The following LMOD2 variants were observed in gnomAD, a reference collection of about 807,000 sequenced individuals.
LMOD2 encodes the protein leiomodin 2, also known as leiomodin-2.
LMOD2 carries 27 observed loss-of-function variants against 41.7 expected under a neutral mutation model. That is an observed-to-expected ratio of 0.65 (90% CI 0.48 to 0.89). The LOEUF (loss-of-function observed/expected upper bound fraction) is 0.89, where lower values mean the gene tolerates loss of function less well. Among genes scored for constraint, LMOD2 ranks in the 40% least tolerant of loss-of-function variants. The pLI is 0.00. For missense variants in LMOD2, 624 were observed against 667.9 expected (o/e 0.93, Z 0.72); for synonymous variants, 251 against 244.6 (o/e 1.03, Z -0.25).
Position 123,662,730 on chromosome 7 carries a change from A to G in LMOD2, c.1144A>G (p.Arg382Gly), listed in dbSNP as rs1802902946. 6.2e-7 allele frequency: 1 copy of G among 1,613,992 alleles called. No homozygotes were observed. The highest frequency in any genetic ancestry group is 1.3e-5 in the African/African-American group (1 of 75,038). Residue 382 changes from arginine (R) to glycine (G), a missense_variant, in exon 2 of 3, where the codon AGA (arginine) becomes GGA (glycine). By Grantham distance (125) the Arg-to-Gly change is moderately radical (BLOSUM62 -2). Transcript: ENST00000458573. This position sits in a 1 kb window ranked among gnomAD's most constrained non-coding sequence, Gnocchi z 4.0. ...CAATCTTAGGACCAAAGTCTGGCAAAGAGGAACACCTAGCTCTTCACCTTA... is the reference window on the plus strand; with the variant it reads ...CAATCTTAGGACCAAAGTCTGGCAAGGAGGAACACCTAGCTCTTCACCTTA... ...GPNLRTKVWQ[R>G]GTPSSSPYVS... is the part of the protein sequence containing the mutation.
At chr7:123,656,322 A>T in intron 1 of LMOD2, 86 bp downstream of exon 1, 1 of 1,352,696 alleles carries the variant, frequency 7.4e-7, no homozygotes. Flanking sequence ...CTAACTTCTC[A>T]ATCCTCATCA....
intron 1 of LMOD2, among the ~76,000 whole-genome samples, chr7:123,661,530 G>A (rs1364628554): frequency 6.6e-6 from 1 of 152,150 alleles, no homozygotes; most frequent in Non-Finnish European, 1.5e-5. Context: ...GTCCTCAGGA[G>A]GTGAACAAAT....
Position 123,662,905 on chromosome 7 carries a change from C to T in LMOD2, c.1319C>T (p.Pro440Leu), listed in dbSNP as rs762093691. ...PPPPSSQRLP[P>L]PPPPPPPPLP... is the part of the protein sequence containing the mutation. Reference sequence around the variant, plus strand: ...CCTCCTTCTTCCCAAAGGCTGCCACCACCTCCTCCTCCTCCCCCTCCTCCA... The same window carrying T: ...CCTCCTTCTTCCCAAAGGCTGCCACTACCTCCTCCTCCTCCCCCTCCTCCA... The change falls in exon 2 of 3, where the codon CCA (proline) becomes CTA (leucine). Residue 440 changes from proline (P) to leucine (L), a missense_variant. By Grantham distance (98) the Pro-to-Leu change is moderately conservative (BLOSUM62 -3). Transcript: ENST00000458573. The surrounding 1 kb of genome is among the most constrained non-coding windows in gnomAD (Gnocchi z 4.0). The T allele has an allele frequency of 1.9e-6, 3 of 1,556,044 alleles. No homozygotes were observed. In the East Asian group the frequency reaches 7.3e-5, roughly 38 times the overall value.
intron 2 of LMOD2, chr7:123,663,507 G>A (rs1802925462): frequency 1.7e-6 from 1 of 605,036 alleles, no homozygotes; most frequent in Non-Finnish European, 2.9e-6. Context: ...ATTCCAAAAG[G>A]ATTCACCACT....
chr7:123,660,555 C>T (rs1330093525), intron 1 of LMOD2, among the ~76,000 whole-genome samples: 1 of 150,954 alleles, frequency 6.6e-6, no homozygotes, highest in African/African-American at 2.4e-5. Context: ...AAAGCTAGAT[C>T]TACATGCTTC....
chr7:123,662,572 T>C lies in LMOD2; in HGVS notation c.986T>C (p.Leu329Pro). The C allele has an allele frequency of 6.2e-7, 1 of 1,613,944 alleles. No individual in the cohort carries two copies. The highest frequency in any genetic ancestry group is 2.2e-5 in the East Asian group (1 of 44,868). Residue 329 changes from leucine to proline, a missense_variant, in exon 2 of 3, where the codon CTG (leucine) becomes CCG (proline). Transcript: ENST00000458573. The surrounding 1 kb of genome is among the most constrained non-coding windows in gnomAD (Gnocchi z 4.0). The part of the protein sequence containing the change: ...VKLLKENTTL[L>P]RLGYHFELPG... ...CTGCTGAAGGAGAACACGACGCTGC[T>C]GAGGCTGGGATACCATTTTGAACTC...
chr7:123,660,169 G>A (rs1428690397), intron 1 of LMOD2, among the ~76,000 whole-genome samples: 1 of 152,170 alleles, frequency 6.6e-6, no homozygotes, highest in Non-Finnish European at 1.5e-5. Flanking sequence ...CTGCTGGACA[G>A]GGAAGGCTTC....
At position 123,663,896 on chromosome 7, in the gene LMOD2, A is replaced by T. The variant is rs1802930901; in HGVS notation, c.*151A>T. Reference sequence around the variant, plus strand: ...TTAATTCCAAAGAGAATCTTAAGAAACAATCAGCATGTTTCTTCTGTAAAT... The same window carrying T: ...TTAATTCCAAAGAGAATCTTAAGAATCAATCAGCATGTTTCTTCTGTAAAT... On this transcript the variant is annotated 3_prime_UTR_variant, in exon 3 of 3. Coordinates refer to ENST00000458573, the MANE Select transcript of LMOD2 (RefSeq NM_207163.3). 1 of 646,608 alleles carries T rather than the reference A, an allele frequency of 1.5e-6. No individual in the cohort carries two copies. The highest frequency in any genetic ancestry group is 1.8e-5 in the African/African-American group (1 of 54,170). 40.1% of individuals were successfully genotyped at this position (646,608 alleles called of 1,614,324 possible). A position where few individuals can be genotyped will look rare whatever the true frequency, so the allele number is the denominator to read the frequency against.
intron 1 of LMOD2, 76 bp downstream of exon 1, chr7:123,656,312 C>G: frequency 7.0e-7 from 1 of 1,434,696 alleles, no homozygotes; most frequent in Non-Finnish European, 9.4e-7. Context: ...CTTGTTTTCC[C>G]TAACTTCTCA....
chr7:123,661,516 G>A (rs1802873813), intron 1 of LMOD2, among the ~76,000 whole-genome samples: 1 of 152,210 alleles, frequency 6.6e-6, no homozygotes. Context: ...ACCAGTAAGA[G>A]TCGGTCCTCA....
At chr7:123,656,383 G>T (rs1033758741) in intron 1 of LMOD2, 147 bp downstream of exon 1, 1 of 860,534 alleles carries the variant, frequency 1.2e-6, no homozygotes, top group Non-Finnish European at 1.7e-6. Context: ...CATTTTTCAG[G>T]CTGAAATAAT....
chr7:123,664,036 A>G lies in LMOD2; in HGVS notation c.*291A>G, dbSNP rs1467354642. On this transcript the variant is annotated 3_prime_UTR_variant, in exon 3 of 3. Coordinates refer to ENST00000458573, the MANE Select transcript of LMOD2 (RefSeq NM_207163.3). ...GGTAACTCCGAGTTGTAATGAGTTC[A>G]TGAAATGTGCTGTTATTTTTGTAAT... 2.0e-5 allele frequency: 7 copies of G among 348,294 alleles called. No homozygotes were observed. Among genetic ancestry groups the G allele is most frequent in the Non-Finnish European group, 3.6e-5 (7 of 194,118 alleles). 21.6% of individuals were successfully genotyped at this position (348,294 alleles called of 1,614,324 possible).
At position 123,663,833 on chromosome 7, in the gene LMOD2, T is replaced by C. The variant is rs1802930432; in HGVS notation, c.*88T>C. 9.6e-7 allele frequency: 1 copy of C among 1,039,874 alleles called. No homozygotes were observed. The highest frequency in any genetic ancestry group is 1.4e-6 in the Non-Finnish European group (1 of 706,414). The allele number at this position is 1,039,874 out of a possible 1,614,324, so 64.4% of individuals were successfully genotyped here. ...GATGTTTCTAAAATACCTTCTTCAATTCAAAATGATCCCTGACTTTAAAAA... is the reference window on the plus strand; with the variant it reads ...GATGTTTCTAAAATACCTTCTTCAACTCAAAATGATCCCTGACTTTAAAAA... On this transcript the variant is annotated 3_prime_UTR_variant, in exon 3 of 3. Transcript: ENST00000458573.
rs778244284 is a variant in LMOD2 at position 123,656,103 on chromosome 7, C to T, written c.140C>T (p.Pro47Leu). The T allele has an allele frequency of 6.2e-7, 1 of 1,611,576 alleles. No individual in the cohort carries two copies. The highest frequency in any genetic ancestry group is 8.5e-7 in the Non-Finnish European group (1 of 1,178,882). Residue 47 changes from proline to leucine, a missense_variant, in exon 1 of 3, where the codon CCC becomes CTC. By Grantham distance (98) the Pro-to-Leu change is moderately conservative. Transcript: ENST00000458573. ...GACATTGAACCTGACCGCAACCTTCCCGTGGGGCTAAGGCAAAAGAGCCTG... is the reference window on the plus strand; with the variant it reads ...GACATTGAACCTGACCGCAACCTTCTCGTGGGGCTAAGGCAAAAGAGCCTG... ...LEDIEPDRNLPVGLRQKSLTE... is the reference protein window; with the variant it reads ...LEDIEPDRNLLVGLRQKSLTE...
At chr7:123,663,238 T>C (rs1294300394) in intron 2 of LMOD2, 35 bp downstream of exon 2, 1 of 1,539,362 alleles carries the variant, frequency 6.5e-7, no homozygotes, top group African/African-American at 1.4e-5. Context: ...GGGGCACAGA[T>C]AAAGTAAATG....
At chr7:123,656,286 A>G (rs761298182) in intron 1 of LMOD2, 50 bp downstream of exon 1, 1 of 1,532,388 alleles carries the variant, frequency 6.5e-7, no homozygotes, top group Admixed American at 2.0e-5. Flanking sequence ...CCATCACCCC[A>G]TCCCAAACCC....
chr7:123,663,126 C>T lies in LMOD2; in HGVS notation c.1540C>T (p.Pro514Ser), dbSNP rs771422453. Residue 514 changes from proline to serine, a missense_variant, in exon 2 of 3, where the codon CCT becomes TCT. Coordinates refer to ENST00000458573, the MANE Select transcript of LMOD2 (RefSeq NM_207163.3). ...QEKKMEDSSRPSTPQRSAHEN... is the reference protein window; with the variant it reads ...QEKKMEDSSRSSTPQRSAHEN... ...GAAGAAAATGGAAGACAGTTCCCGA[C>T]CTTCTACCCCACAGAGATCAGCTCA... 1.9e-6 allele frequency: 3 copies of T among 1,567,116 alleles called. No individual in the cohort carries two copies. In the South Asian group the frequency reaches 3.5e-5, roughly 18 times the overall value.
intron 2 of LMOD2, chr7:123,663,416 C>G (rs1802923561): frequency 1.5e-6 from 1 of 653,252 alleles, no homozygotes; most frequent in Non-Finnish European, 2.6e-6. Context: ...GCTTTCCCAG[C>G]CTCTCAATCA....
chr7:123,659,320 G>C (rs1802838233), intron 1 of LMOD2, among the ~76,000 whole-genome samples: 1 of 152,170 alleles, frequency 6.6e-6, no homozygotes, highest in Admixed American at 6.5e-5. Flanking sequence ...TAGGAAATCT[G>C]TAATAAAACA....
Sources: gnomAD v4.1 joint callset for allele counts (sites outside exome capture counted in the v4.1 genomes callset) on GRCh38, gnomAD v4.1.1 for gene constraint, Gnocchi (gnomAD v3.1) non-coding constraint, MANE v1.5 for transcripts, NCBI Gene and HGNC (gene_info 2026-07-23, HGNC 2026-07-21) for gene names.